The following SIL1 variants were observed in gnomAD, a reference collection of about 807,000 sequenced individuals.
The protein encoded by SIL1 is SIL1 nucleotide exchange factor.
In SIL1, 40 loss-of-function variants were observed where a neutral mutation model predicts 49.1. The observed-to-expected ratio is 0.81, with a 90% CI of 0.63 to 1.06. The LOEUF (loss-of-function observed/expected upper bound fraction) is 1.06. Among genes scored for constraint, SIL1 ranks in the 50% least tolerant of loss-of-function variants. SIL1 has a pLI of 0.00. For synonymous variants in SIL1, 253 were observed against 250.8 expected (o/e 1.01, Z -0.08); for missense variants, 500 against 572.6 (o/e 0.87, Z 1.29).
At chr5:139,146,817 G>A (rs7721110) in intron 1 of SIL1, among the ~76,000 whole-genome samples, 11 of 152,044 alleles carry the variant, frequency 7.2e-5, no homozygotes, top group Admixed American at 5.2e-4. Flanking sequence ...GAAACCACCC[G>A]TGAATTCTTG....
chr5:139,124,796 A>G (rs913585531), intron 2 of SIL1, among the ~76,000 whole-genome samples: 13 of 152,236 alleles, frequency 8.5e-5, no homozygotes, highest in Admixed American at 2.6e-4. Context: ...CCATTCCTCA[A>G]TTCATCCAAG....
chr5:138,966,830 T>C (rs920216872), intron 7 of SIL1, among the ~76,000 whole-genome samples: 1 of 152,194 alleles, frequency 6.6e-6, no homozygotes, highest in Non-Finnish European at 1.5e-5. Flanking sequence ...ACATAGCTAA[T>C]AAGTAGCAGA....
At chr5:139,019,453 C>A (rs543933868) in intron 7 of SIL1, among the ~76,000 whole-genome samples, 1 of 152,294 alleles carries the variant, frequency 6.6e-6, no homozygotes, top group African/African-American at 2.4e-5. Flanking sequence ...CCATCAAAAA[C>A]CTAGCTAGAA....
chr5:139,181,871 A>G (rs1479433319), intron 1 of SIL1, among the ~76,000 whole-genome samples: 1 of 152,222 alleles, frequency 6.6e-6, no homozygotes, highest in Non-Finnish European at 1.5e-5. Flanking sequence ...GCCCTATTAA[A>G]GTAAAGGCAA....
intron 4 of SIL1, among the ~76,000 whole-genome samples, chr5:139,046,183 T>C (rs1461477554): frequency 1.2e-4 from 18 of 152,236 alleles, no homozygotes; most frequent in Non-Finnish European, 1.2e-4. Flanking sequence ...AAAAATTGGC[T>C]GGGTGTGGTG....
intron 3 of SIL1, among the ~76,000 whole-genome samples, chr5:139,076,298 T>C (rs948166779): frequency 2.0e-5 from 3 of 152,242 alleles, no homozygotes; most frequent in African/African-American, 7.2e-5. Flanking sequence ...ACTTAAATTA[T>C]TGCCTTGTAA....
chr5:139,163,901 T>C (rs964038209), intron 1 of SIL1, among the ~76,000 whole-genome samples: 7 of 152,014 alleles, frequency 4.6e-5, no homozygotes, highest in African/African-American at 1.7e-4. Context: ...GGCAGATCAC[T>C]TGAGGCCAAG....
chr5:139,035,642 CT>C (rs759319838), intron 5 of SIL1: 12,329 of 159,060 alleles, frequency 0.078, 3 homozygotes, highest in South Asian at 0.15. Context: ...AGGTATACAA[CT>C]TTTTTTTTTT....
intron 2 of SIL1, among the ~76,000 whole-genome samples, chr5:139,125,358 A>G (rs1246499352): frequency 6.6e-6 from 1 of 152,252 alleles, no homozygotes; most frequent in East Asian, 1.9e-4. Context: ...ACAACAGCTT[A>G]CCATGTCACA....
intron 1 of SIL1, among the ~76,000 whole-genome samples, chr5:139,136,890 A>G (rs778343341): frequency 1.3e-5 from 2 of 152,174 alleles, no homozygotes; most frequent in Non-Finnish European, 2.9e-5. Flanking sequence ...ATGAAGAGCT[A>G]CCCCACAACA....
intron 7 of SIL1, among the ~76,000 whole-genome samples, chr5:138,954,352 G>C (rs575771594): frequency 6.6e-6 from 1 of 152,272 alleles, no homozygotes; most frequent in Non-Finnish European, 1.5e-5. Context: ...GGCTGTGACA[G>C]TGCACAGCCT....
At chr5:139,060,031 A>T (rs1368287769) in intron 3 of SIL1, among the ~76,000 whole-genome samples, 2 of 152,238 alleles carry the variant, frequency 1.3e-5, no homozygotes, top group Non-Finnish European at 2.9e-5. Context: ...TGGTCAAAAT[A>T]TTGCTTCACA....
At chr5:139,074,557 A>T (rs780468760) in intron 3 of SIL1, among the ~76,000 whole-genome samples, 9 of 152,234 alleles carry the variant, frequency 5.9e-5, no homozygotes, top group Non-Finnish European at 7.3e-5. Flanking sequence ...AATGCAAATC[A>T]ACGAACAAGA....
intron 3 of SIL1, among the ~76,000 whole-genome samples, chr5:139,062,796 T>C (rs1581070624): frequency 6.6e-6 from 1 of 152,230 alleles, no homozygotes; most frequent in African/African-American, 2.4e-5. Flanking sequence ...CATAAGTGGC[T>C]AGTCCACAAG....
rs1449332505 is a variant in SIL1, at chr5:138,948,094, C to T, written c.1030-621G>A. 6.6e-6 allele frequency among the ~76,000 whole-genome samples: 1 copy of T among 152,100 alleles called. No homozygotes were observed. Among genetic ancestry groups the T allele is most frequent in the Non-Finnish European group, 1.5e-5 (1 of 68,024 alleles). ...CTCCCGTGCAGCTGTAGGAAGTGTG[C>T]CTGTATGGAGAAAGAAGGAATGCCT... On this transcript the variant is annotated intron_variant, in intron 9 of 9. Coordinates refer to ENST00000394817, the MANE Select transcript of SIL1 (RefSeq NM_022464.5). This position sits in a 1 kb window ranked among gnomAD's most constrained non-coding sequence, Gnocchi z 4.8.
At chr5:139,197,860 A>G (rs1561898968) in intron 1 of SIL1, among the ~76,000 whole-genome samples, 1 of 152,232 alleles carries the variant, frequency 6.6e-6, no homozygotes, top group Non-Finnish European at 1.5e-5. Flanking sequence ...AAAACAAGCA[A>G]TAAGAGAGTG....
chr5:138,962,111 C>CT (rs370814975), intron 7 of SIL1, among the ~76,000 whole-genome samples: 2,972 of 149,088 alleles, frequency 0.02, 96 homozygotes, highest in African/African-American at 0.068. Context: ...TTATTGGTTT[C>CT]TTTTTTTTTT....
intron 7 of SIL1, among the ~76,000 whole-genome samples, chr5:138,960,338 G>A (rs1766991028): frequency 6.6e-6 from 1 of 150,408 alleles, no homozygotes; most frequent in Non-Finnish European, 1.5e-5. Context: ...AGGCTCTGTT[G>A]ACATTGAACC....
chr5:139,031,590 T>C (rs1250708695), intron 5 of SIL1, among the ~76,000 whole-genome samples: 1 of 152,224 alleles, frequency 6.6e-6, no homozygotes, highest in Non-Finnish European at 1.5e-5. Flanking sequence ...CTAGCTATTC[T>C]AGTTCCTTCA....
Sources: allele counts gnomAD v4.1 joint callset (sites outside exome capture counted in the v4.1 genomes callset), GRCh38; gene constraint gnomAD v4.1.1; non-coding constraint Gnocchi (gnomAD v3.1); transcripts MANE v1.5; gene names NCBI Gene and HGNC (gene_info 2026-07-23, HGNC 2026-07-21).